The following TENT5D variants were observed in gnomAD, a reference collection of about 807,000 sequenced individuals.
TENT5D encodes terminal nucleotidyltransferase 5D.
For synonymous variants in TENT5D, 103 were observed against 100.6 expected (o/e 1.02, Z -0.15); for missense variants, 191 against 287.0 (o/e 0.67, Z 2.42).
intron 3 of TENT5D, among the ~76,000 whole-genome samples, chrX:80,403,850 G>T (rs1013094709): frequency 4.5e-5 from 5 of 111,911 alleles, no homozygotes; most frequent in Admixed American, 2.9e-4. Flanking sequence ...AGTTTATTTT[G>T]CCAAGGTTAA....
At chrX:80,397,630 C>G (rs1331743456) in intron 3 of TENT5D, among the ~76,000 whole-genome samples, 1 of 89,527 alleles carries the variant, frequency 1.1e-5, no homozygotes, top group Non-Finnish European at 2.2e-5. Context: ...TGCACTCCAG[C>G]CTGGGCACCA....
chrX:80,383,873 G>A (rs180751590), intron 3 of TENT5D, among the ~76,000 whole-genome samples: 2 of 110,794 alleles, frequency 1.8e-5, no homozygotes, highest in Admixed American at 1.9e-4. Context: ...AAAAGTAGTT[G>A]AATCTCTGAA....
At chrX:80,423,318 T>G (rs1011538437) in intron 1 of TENT5D, among the ~76,000 whole-genome samples, 1 of 111,820 alleles carries the variant, frequency 8.9e-6, no homozygotes, top group Non-Finnish European at 1.9e-5. Flanking sequence ...ATCCAGAGTT[T>G]TTTTTTTATA....
intron 3 of TENT5D, among the ~76,000 whole-genome samples, chrX:80,381,058 G>T (rs969587555): frequency 1.8e-5 from 2 of 111,741 alleles, no homozygotes; most frequent in African/African-American, 6.5e-5. Flanking sequence ...TACCATCAAT[G>T]GTCTTTACAA....
intron 1 of TENT5D, among the ~76,000 whole-genome samples, chrX:80,431,639 A>G (rs1004792866): frequency 2.7e-5 from 3 of 111,508 alleles, no homozygotes; most frequent in Non-Finnish European, 3.8e-5. Flanking sequence ...ATGGATGGCA[A>G]AAGGCAAACT....
chrX:80,400,452 A>G (rs1931371083), intron 3 of TENT5D, among the ~76,000 whole-genome samples: 1 of 111,709 alleles, frequency 9.0e-6, no homozygotes, highest in Non-Finnish European at 1.9e-5. Context: ...CCTAAAATGA[A>G]GCCCGCAAAT....
chrX:80,417,080 T>C (rs150990321), upstream of TENT5D, among the ~76,000 whole-genome samples: 93 of 111,721 alleles, frequency 8.3e-4, no homozygotes, highest in Non-Finnish European at 1.3e-3. Context: ...TTTTGACTTT[T>C]GTTGCTTTAA....
chrX:80,363,089 G>A (rs60450914), intron 3 of TENT5D, among the ~76,000 whole-genome samples: 10,806 of 110,678 alleles, frequency 0.098, 520 homozygotes, highest in African/African-American at 0.18. Flanking sequence ...AGGAATTTGG[G>A]GAGTGTTAAA....
intron 3 of TENT5D, among the ~76,000 whole-genome samples, chrX:80,407,707 A>G (rs949880411): frequency 1.8e-5 from 2 of 109,093 alleles, no homozygotes; most frequent in African/African-American, 6.8e-5. Context: ...CAGAAAGTCA[A>G]CAACGATACC....
At chrX:80,365,622 C>G (rs987031266) in intron 3 of TENT5D, among the ~76,000 whole-genome samples, 4 of 110,879 alleles carry the variant, frequency 3.6e-5, no homozygotes, top group African/African-American at 1.3e-4. Context: ...GGGTGGATCA[C>G]TTGAGGTCAG....
At chrX:80,426,337 C>T (rs778029158) in intron 1 of TENT5D, among the ~76,000 whole-genome samples, 6 of 111,357 alleles carry the variant, frequency 5.4e-5, no homozygotes, top group South Asian at 3.7e-4. Context: ...CTTTTATTAG[C>T]CTTTAGTATT....
At chrX:80,405,619 G>A (rs1255280797) in intron 3 of TENT5D, among the ~76,000 whole-genome samples, 1 of 111,680 alleles carries the variant, frequency 9.0e-6, no homozygotes, top group Admixed American at 9.4e-5. Flanking sequence ...AGGGAGTCTC[G>A]CTGATTGCTA....
intron 3 of TENT5D, among the ~76,000 whole-genome samples, chrX:80,399,351 A>G (rs1602208069): frequency 8.9e-6 from 1 of 112,151 alleles, no homozygotes; most frequent in East Asian, 2.8e-4. Flanking sequence ...TCCCAACACT[A>G]CTTATTGGAG....
chrX:80,413,111 G>A (rs767575879), intron 3 of TENT5D, among the ~76,000 whole-genome samples: 7 of 111,457 alleles, frequency 6.3e-5, no homozygotes, highest in Non-Finnish European at 1.3e-4. Context: ...GATAAATAAC[G>A]TATGCTGACA....
exon 3 of TENT5D, chrX:80,443,220 A>G (rs201756726): frequency 5.8e-6 from 7 of 1,209,406 alleles, no homozygotes; most frequent in Non-Finnish European, 7.8e-6. Context: ...GTACCAGGAA[A>G]CCTGAAGAGA....
upstream of TENT5D, among the ~76,000 whole-genome samples, chrX:80,418,299 G>A (rs763360758): frequency 9.1e-6 from 1 of 110,454 alleles, no homozygotes; most frequent in Non-Finnish European, 1.9e-5. Context: ...ACCAGTTCAT[G>A]CCACCATGCC....
intron 3 of TENT5D, among the ~76,000 whole-genome samples, chrX:80,356,127 T>G (rs1930279628): frequency 8.9e-6 from 1 of 112,403 alleles, no homozygotes; most frequent in Admixed American, 9.4e-5. Flanking sequence ...GAGATAGAAC[T>G]GTCTTCATAT....
At chrX:80,345,051 T>A (rs1251671425) in intron 3 of TENT5D, among the ~76,000 whole-genome samples, 2 of 111,442 alleles carry the variant, frequency 1.8e-5, no homozygotes, top group Non-Finnish European at 3.8e-5. Flanking sequence ...CTCAATAAAA[T>A]AATGTTTATT....
chrX:80,377,751 A>G (rs1930764309), intron 3 of TENT5D, among the ~76,000 whole-genome samples: 1 of 112,027 alleles, frequency 8.9e-6, no homozygotes, highest in Non-Finnish European at 1.9e-5. Flanking sequence ...GTATATACCC[A>G]GTAATGGGGT....
Sources: gnomAD v4.1 joint callset for allele counts (sites outside exome capture counted in the v4.1 genomes callset) on GRCh38, gnomAD v4.1.1 for gene constraint, MANE v1.5 for transcripts, NCBI Gene and HGNC (gene_info 2026-07-23, HGNC 2026-07-21) for gene names.